Variants in MARCHF1 observed in about 807,000 individuals in gnomAD.
The protein encoded by MARCHF1 is E3 ubiquitin-protein ligase MARCHF1.
In MARCHF1, 40 loss-of-function variants were observed where a neutral mutation model predicts 54.2. The observed-to-expected ratio is 0.74, with a 90% CI of 0.57 to 0.96. The LOEUF (loss-of-function observed/expected upper bound fraction) is 0.96, where lower values mean the gene tolerates loss of function less well. Ranked by LOEUF, MARCHF1 falls within the 40% of genes least tolerant of loss-of-function variation. The pLI is 0.00. For synonymous variants in MARCHF1, 236 were observed against 236.3 expected (o/e 1.00, Z 0.01); for missense variants, 586 against 656.5 (o/e 0.89, Z 1.17).
chr4:163,771,333 C>T (rs938186207), intron 4 of MARCHF1, among the ~76,000 whole-genome samples: 1 of 152,134 alleles, frequency 6.6e-6, no homozygotes, highest in Non-Finnish European at 1.5e-5. Context: ...GTTGAGAAAG[C>T]GGCTTTTCTA....
At position 164,180,201 on chromosome 4, in the gene MARCHF1, C is replaced by T. The variant is rs143471438; in HGVS notation, c.-322-68539G>A. Reference sequence around the variant, plus strand: ...AGGCACAGGGTTATACATTTTTTAACGCAGGAATTTATATTGAATTATGGC... The same window carrying T: ...AGGCACAGGGTTATACATTTTTTAATGCAGGAATTTATATTGAATTATGGC... On this transcript the variant is annotated intron_variant, in intron 1 of 9. Coordinates refer to ENST00000514618, the MANE Select transcript of MARCHF1 (RefSeq NM_001394959.1). Among the ~76,000 whole-genome samples the T allele has an allele frequency of 5.6e-3, 854 of 151,878 alleles. 10 individuals carry two copies. The highest frequency in any genetic ancestry group is 0.02 in the African/African-American group (809 of 41,438).
Position 164,256,615 on chromosome 4 carries a change from CAG to C in MARCHF1, c.-323+127253_-323+127254del, listed in dbSNP as rs780258196. ...TATCAGTGAAAAGGAGACATGAACA[CAG>C]ACTGAGAAAACTTTTAAGCATCATG... is the stretch of plus-strand genomic sequence containing the variant. On this transcript the variant is annotated intron_variant, in intron 1 of 9. Coordinates refer to ENST00000514618, the MANE Select transcript of MARCHF1 (RefSeq NM_001394959.1). 7.9e-4 allele frequency among the ~76,000 whole-genome samples: 120 copies of C among 151,860 alleles called. 1 individual carries two copies. Among genetic ancestry groups the C allele is most frequent in the Non-Finnish European group, 1.5e-3 (104 of 67,942 alleles).
At chr4:163,630,840 A>C (rs1742050513) in intron 5 of MARCHF1, among the ~76,000 whole-genome samples, 1 of 152,184 alleles carries the variant, frequency 6.6e-6, no homozygotes, top group Admixed American at 6.5e-5. Context: ...TTGGTAGTGC[A>C]GAAAAAGTTG....
chr4:164,212,843 C>T (rs1484934820), intron 1 of MARCHF1, among the ~76,000 whole-genome samples: 4 of 152,102 alleles, frequency 2.6e-5, no homozygotes, highest in Non-Finnish European at 4.4e-5. Flanking sequence ...AAAAACGAGG[C>T]CCACCAAGGT....
intron 2 of MARCHF1, among the ~76,000 whole-genome samples, chr4:164,042,705 C>G (rs1037865080): frequency 6.6e-6 from 1 of 152,128 alleles, no homozygotes; most frequent in Non-Finnish European, 1.5e-5. Context: ...AGCATTAACT[C>G]AAAAGTCCTG....
At chr4:164,357,422 T>C (rs570790474) in intron 1 of MARCHF1, among the ~76,000 whole-genome samples, 1 of 152,260 alleles carries the variant, frequency 6.6e-6, no homozygotes, top group East Asian at 1.9e-4. Context: ...TAAAGATCTT[T>C]GTGATTACAG....
intron 2 of MARCHF1, among the ~76,000 whole-genome samples, chr4:164,063,263 G>C (rs767261119): frequency 5.3e-5 from 8 of 152,144 alleles, no homozygotes; most frequent in Non-Finnish European, 1.0e-4. Context: ...GTCCTGGCAC[G>C]GACATCTCTC....
chr4:163,552,075 A>T (rs1006162401), intron 8 of MARCHF1, among the ~76,000 whole-genome samples: 2 of 152,054 alleles, frequency 1.3e-5, no homozygotes, highest in African/African-American at 4.8e-5. Context: ...TTAAAAAAAC[A>T]TTTTCTCCCC....
intron 3 of MARCHF1, among the ~76,000 whole-genome samples, chr4:163,888,648 G>C (rs60849330): frequency 6.6e-6 from 1 of 152,222 alleles, no homozygotes; most frequent in East Asian, 1.9e-4. Context: ...TGTTTAATGA[G>C]GTTGGAGACT....
chr4:163,764,281 A>G (rs76405674), intron 4 of MARCHF1, among the ~76,000 whole-genome samples: 2,792 of 152,196 alleles, frequency 0.018, 36 homozygotes, highest in East Asian at 0.072. Flanking sequence ...TCTTTTGTGG[A>G]TAACTAGTAG....
In MARCHF1 at chr4:164,027,891, AAAAT is replaced by A. The variant is rs1426553877; in HGVS notation, c.-247-39186_-247-39183del. 1.8e-4 allele frequency among the ~76,000 whole-genome samples: 27 copies of A among 152,286 alleles called. No homozygotes were observed. In the East Asian group the frequency reaches 3.9e-3, roughly 22 times the overall value. The stretch of plus-strand genomic sequence containing the variant: ...CCATAAAGAACTTATCAACAAGCAA[AAAAT>A]AAATAATCTCATAAAAAATGGGCAG... On this transcript the variant is annotated intron_variant, in intron 2 of 9. Coordinates refer to ENST00000514618, the MANE Select transcript of MARCHF1 (RefSeq NM_001394959.1).
At chr4:163,678,049 G>A (rs978940269) in intron 5 of MARCHF1, among the ~76,000 whole-genome samples, 4 of 152,182 alleles carry the variant, frequency 2.6e-5, no homozygotes, top group Admixed American at 2.6e-4. Context: ...GAAGAAGATT[G>A]TGTTCTGGAC....
At chr4:163,877,116 C>A (rs1750306310) in intron 3 of MARCHF1, among the ~76,000 whole-genome samples, 1 of 152,078 alleles carries the variant, frequency 6.6e-6, no homozygotes, top group African/African-American at 2.4e-5. Context: ...TATATGGAAA[C>A]CGTGTTCAGA....
At chr4:163,617,823 T>G (rs62334280) in intron 5 of MARCHF1, among the ~76,000 whole-genome samples, 16,440 of 152,084 alleles carry the variant, frequency 0.11, 1,221 homozygotes, top group East Asian at 0.33. Flanking sequence ...ATTATGTATG[T>G]GAACCACGTG....
chr4:164,357,363 T>C (rs1259007967), intron 1 of MARCHF1, among the ~76,000 whole-genome samples: 1 of 152,148 alleles, frequency 6.6e-6, no homozygotes, highest in Non-Finnish European at 1.5e-5. Context: ...ATTGTCTTTC[T>C]GCCATCACAT....
At chr4:164,078,385 G>A (rs1364196669) in intron 2 of MARCHF1, among the ~76,000 whole-genome samples, 1 of 152,112 alleles carries the variant, frequency 6.6e-6, no homozygotes, top group African/African-American at 2.4e-5. Flanking sequence ...CAGGGAGTTG[G>A]GGGTTAGGGG....
At chr4:164,196,725 T>C (rs1731270403) in intron 1 of MARCHF1, among the ~76,000 whole-genome samples, 1 of 152,126 alleles carries the variant, frequency 6.6e-6, no homozygotes, top group South Asian at 2.1e-4. Flanking sequence ...TAGTAATCAT[T>C]CTACAAAGCT....
chr4:163,835,420 C>A (rs1644251897), intron 4 of MARCHF1, among the ~76,000 whole-genome samples: 1 of 152,164 alleles, frequency 6.6e-6, no homozygotes, highest in African/African-American at 2.4e-5. Flanking sequence ...TTCTGTACAA[C>A]GTGAACTATA....
chr4:163,879,614 T>C (rs1442142332), intron 3 of MARCHF1, among the ~76,000 whole-genome samples: 1 of 152,162 alleles, frequency 6.6e-6, no homozygotes, highest in Non-Finnish European at 1.5e-5. Context: ...ACATACACAC[T>C]AATGCAAATA....
Sources: gnomAD v4.1 joint callset for allele counts (sites outside exome capture counted in the v4.1 genomes callset) on GRCh38, gnomAD v4.1.1 for gene constraint, MANE v1.5 for transcripts, NCBI Gene and HGNC (gene_info 2026-07-23, HGNC 2026-07-21) for gene names.